Variants in SLC18A3 observed in about 807,000 individuals in gnomAD.
The protein encoded by SLC18A3 is solute carrier family 18 member A3.
Under a neutral mutation model 24.2 loss-of-function variants are expected in SLC18A3, and 18 were observed. The observed-to-expected ratio is 0.74, with a 90% confidence interval of 0.51 to 1.10. The LOEUF is 1.10. SLC18A3 is among the 50% of genes least tolerant of loss of function. The pLI is 0.00. For synonymous variants in SLC18A3, 415 were observed against 355.4 expected (o/e 1.17, Z -1.89); for missense variants, 744 against 750.7 (o/e 0.99, Z 0.10).
chr10:49,611,202 G>T lies in SLC18A3; in HGVS notation c.462G>T (p.Pro154=). ...TCGACCGCATGAGCTACGACGTGCCGCTGCTGATCGGCCTGGGCGTCATGT... is the reference window on the plus strand; with the variant it reads ...TCGACCGCATGAGCTACGACGTGCCTCTGCTGATCGGCCTGGGCGTCATGT... ...PFIDRMSYDV[P]LLIGLGVMFA... is the part of the protein sequence containing the mutation. The change falls in exon 1 of 1, where the codon CCG becomes CCT. Residue 154 remains proline, a synonymous_variant. Coordinates refer to ENST00000374115, the MANE Select transcript of SLC18A3 (RefSeq NM_003055.3). The T allele has an allele frequency of 6.2e-7, 1 of 1,614,078 alleles. No individual in the cohort carries two copies.
Position 49,612,048 on chromosome 10 carries a change from C to T in SLC18A3, c.1308C>T (p.Pro436=), listed in dbSNP as rs1838313296. 4.3e-6 allele frequency: 7 copies of T among 1,613,668 alleles called. No homozygotes were observed. Among genetic ancestry groups the T allele is most frequent in the Admixed American group, 3.3e-5 (2 of 60,012 alleles). Residue 436 remains proline (P), a synonymous_variant, in exon 1 of 1, where the codon CCC becomes CCT. Transcript: ENST00000374115. ...ATTCGGTGGCCTACGCGCTCGGGCC[C>T]ATAGTGGCAGGCCACATTGTGCACT... The part of the protein sequence containing the change: ...ISYSVAYALG[P]IVAGHIVHSL...
Position 49,611,032 on chromosome 10 carries a change from T to C in SLC18A3, c.292T>C (p.Ser98Pro), listed in dbSNP as rs1838280309. The stretch of plus-strand genomic sequence containing the variant: ...TGCCAGCGCCTACACGGCCAACACC[T>C]CGGCGTCCCCGACAGCTGCGTGGCC... ...ANASAYTANTSASPTAAWPAG... is the reference protein window; with the variant it reads ...ANASAYTANTPASPTAAWPAG... The change falls in exon 1 of 1, where the codon TCG (serine) becomes CCG (proline). Residue 98 changes from serine to proline, a missense_variant. This residue lies in a region of SLC18A3 where 566 missense variants were observed against 566.2 expected (regional missense o/e 1.00). Coordinates refer to ENST00000374115, the MANE Select transcript of SLC18A3 (RefSeq NM_003055.3). 1 of 1,613,822 alleles carries C rather than the reference T, an allele frequency of 6.2e-7. No individual in the cohort carries two copies. The highest frequency in any genetic ancestry group is 2.2e-5 in the East Asian group (1 of 44,872).
rs1325163601 is a variant in SLC18A3 at position 49,611,502 on chromosome 10, T to C, written c.762T>C (p.Phe254=). 6.2e-7 allele frequency: 1 copy of C among 1,600,784 alleles called. No homozygotes were observed. Among genetic ancestry groups the C allele is most frequent in the Non-Finnish European group, 8.5e-7 (1 of 1,179,886 alleles). ...TGGTGCTAGCTGCCGTGTCGCTCTT[T>C]GACGCGCTGTTGCTGCTGGCAGTGG... ...PFLVLAAVSL[F]DALLLLAVAK... The change falls in exon 1 of 1, where the codon TTT becomes TTC. Residue 254 remains phenylalanine (F), a synonymous_variant. Coordinates refer to ENST00000374115, the MANE Select transcript of SLC18A3 (RefSeq NM_003055.3).
rs1016793644 is a variant in SLC18A3, at chr10:49,610,891, A to G, written c.151A>G (p.Met51Val). ...VALLLDNMLYMVIVPIVPDYI... is the reference protein window; with the variant it reads ...VALLLDNMLYVVIVPIVPDYI... ...GCTGTTACTGGACAACATGCTGTACATGGTCATCGTGCCCATAGTGCCCGA... is the reference window on the plus strand; with the variant it reads ...GCTGTTACTGGACAACATGCTGTACGTGGTCATCGTGCCCATAGTGCCCGA... Residue 51 changes from methionine to valine, a missense_variant, in exon 1 of 1, where the codon ATG (methionine) becomes GTG (valine). Transcript: ENST00000374115. The G allele has an allele frequency of 3.7e-6, 6 of 1,613,024 alleles. No individual in the cohort carries two copies. Among genetic ancestry groups the G allele is most frequent in the East Asian group, 4.5e-5 (2 of 44,824 alleles).
At position 49,610,702 on chromosome 10, in the gene SLC18A3, C is replaced by A; in HGVS notation, c.-39C>A. On this transcript the variant is annotated 5_prime_UTR_variant, in exon 1 of 1. In the 5' UTR this introduces an upstream ATG that the reference lacks. Transcript: ENST00000374115. Reference sequence around the variant, plus strand: ...CACTGCGGGACGCCAGCGCTCGGCCCTGGCGGAGGCGTCCTCGGAAGAGCA... The same window carrying A: ...CACTGCGGGACGCCAGCGCTCGGCCATGGCGGAGGCGTCCTCGGAAGAGCA... 1 of 1,458,836 alleles carries A rather than the reference C, an allele frequency of 6.9e-7. No individual in the cohort carries two copies. The highest frequency in any genetic ancestry group is 9.0e-7 in the Non-Finnish European group (1 of 1,111,298). 90.4% of individuals were successfully genotyped at this position (1,458,836 alleles called of 1,614,324 possible). A position where few individuals can be genotyped will look rare whatever the true frequency, so the allele number is the denominator to read the frequency against.
chr10:49,611,983 TCA>T lies in SLC18A3; in HGVS notation c.1244_1245del (p.Ser415CysfsTer34). ...CTTCCTGGTGGACGTGCGCCATGTC[TCA>T]GTCTATGGCAGCGTCTACGCCATCG... Reference protein sequence around the residue: ...LAFLVDVRHVSVYGSVYAIAD... With the variant: ...LAFLVDVRHVXVYGSVYAIAD... On this transcript the variant is annotated frameshift_variant, in exon 1 of 1. Transcript: ENST00000374115. LOFTEE classifies it high-confidence loss of function. 6.2e-7 allele frequency: 1 copy of T among 1,613,642 alleles called. No individual in the cohort carries two copies. Among genetic ancestry groups the T allele is most frequent in the African/African-American group, 1.3e-5 (1 of 75,070 alleles).
rs374372621 is a variant in SLC18A3 at position 49,611,682 on chromosome 10, G to A, written c.942G>A (p.Thr314=). ...PLAFLEPTIA[T]WMKHTMAASE... is the part of the protein sequence containing the mutation. ...CCTTCCTCGAACCCACCATTGCCAC[G>A]TGGATGAAGCATACGATGGCGGCTT... Residue 314 remains threonine (T), a synonymous_variant, in exon 1 of 1, where the codon ACG becomes ACA. Coordinates refer to ENST00000374115, the MANE Select transcript of SLC18A3 (RefSeq NM_003055.3). 3.1e-6 allele frequency: 5 copies of A among 1,610,642 alleles called. No homozygotes were observed. Among genetic ancestry groups the A allele is most frequent in the African/African-American group, 1.3e-5 (1 of 74,936 alleles).
At position 49,611,780 on chromosome 10, in the gene SLC18A3, G is replaced by C. The variant is rs913755733; in HGVS notation, c.1040G>C (p.Arg347Pro). Residue 347 changes from arginine (R) to proline (P), a missense_variant, in exon 1 of 1, where the codon CGC becomes CCC. This residue lies in a region of SLC18A3 where 566 missense variants were observed against 566.2 expected (regional missense o/e 1.00). Coordinates refer to ENST00000374115, the MANE Select transcript of SLC18A3 (RefSeq NM_003055.3). ...GTGCTGGGCGTCTACCTCACCGTGC[G>C]CCTGGCGGCGCGCTACCCACACCTG... ...PHVLGVYLTVRLAARYPHLQW... is the reference protein window; with the variant it reads ...PHVLGVYLTVPLAARYPHLQW... The C allele has an allele frequency of 6.2e-7, 1 of 1,602,912 alleles. No homozygotes were observed. The highest frequency in any genetic ancestry group is 8.5e-7 in the Non-Finnish European group (1 of 1,179,844).
chr10:49,611,618 T>C lies in SLC18A3; in HGVS notation c.878T>C (p.Val293Ala). 1 of 1,611,498 alleles carries C rather than the reference T, an allele frequency of 6.2e-7. No individual in the cohort carries two copies. The highest frequency in any genetic ancestry group is 8.5e-7 in the Non-Finnish European group (1 of 1,179,978). Residue 293 changes from valine to alanine, a missense_variant, in exon 1 of 1, where the codon GTG (valine) becomes GCG (alanine). Around this residue, in one of 3 missense-constraint regions of SLC18A3, gnomAD observed 566 missense variants for 566.2 expected, o/e 1.00. Transcript: ENST00000374115. Reference sequence around the variant, plus strand: ...CTCATGCTAGACCCCTACATTGCCGTGGTGGCCGGCGCGCTCACCACCTGT... The same window carrying C: ...CTCATGCTAGACCCCTACATTGCCGCGGTGGCCGGCGCGCTCACCACCTGT... ...HRLMLDPYIAVVAGALTTCNI... is the reference protein window; with the variant it reads ...HRLMLDPYIAAVAGALTTCNI...
At position 49,610,414 on chromosome 10, in the gene SLC18A3, C is replaced by A; in HGVS notation, c.-327C>A. On this transcript the variant is annotated 5_prime_UTR_variant, in exon 1 of 1. Coordinates refer to ENST00000374115, the MANE Select transcript of SLC18A3 (RefSeq NM_003055.3). ...TCGGCCAGCGCGGGCGGCCTCTTAG[C>A]GCGGCGGGGGCTGCTCTGGGCGCGC... 2 of 295,624 alleles carry A rather than the reference C, an allele frequency of 6.8e-6. No individual in the cohort carries two copies. The highest frequency in any genetic ancestry group is 1.3e-5 in the Non-Finnish European group (2 of 159,912). The allele number at this position is 295,624 out of a possible 1,614,324, so 18.3% of individuals were successfully genotyped here.
rs756271514 is a variant in SLC18A3, at chr10:49,611,619, G to C, written c.879G>C (p.Val293=). The part of the protein sequence containing the change: ...HRLMLDPYIA[V]VAGALTTCNI... ...TCATGCTAGACCCCTACATTGCCGT[G>C]GTGGCCGGCGCGCTCACCACCTGTA... is the stretch of plus-strand genomic sequence containing the variant. The change falls in exon 1 of 1, where the codon GTG becomes GTC. Residue 293 remains valine (V), a synonymous_variant. Transcript: ENST00000374115. 1.2e-6 allele frequency: 2 copies of C among 1,611,506 alleles called. No individual in the cohort carries two copies. Among genetic ancestry groups the C allele is most frequent in the East Asian group, 4.5e-5 (2 of 44,860 alleles).
At position 49,611,584 on chromosome 10, in the gene SLC18A3, A is replaced by T; in HGVS notation, c.844A>T (p.Ile282Phe). 6.2e-7 allele frequency: 1 copy of T among 1,609,050 alleles called. No homozygotes were observed. The highest frequency in any genetic ancestry group is 8.5e-7 in the Non-Finnish European group (1 of 1,179,936). Residue 282 changes from isoleucine (I) to phenylalanine (F), a missense_variant, in exon 1 of 1, where the codon ATC becomes TTC. Ile to Phe is a conservative substitution (Grantham distance 21). Coordinates refer to ENST00000374115, the MANE Select transcript of SLC18A3 (RefSeq NM_003055.3). ...ARANLPVGTP[I>F]HRLMLDPYIA... Reference sequence around the variant, plus strand: ...GGCCAACCTGCCAGTGGGCACTCCCATCCACCGCCTCATGCTAGACCCCTA... The same window carrying T: ...GGCCAACCTGCCAGTGGGCACTCCCTTCCACCGCCTCATGCTAGACCCCTA...
chr10:49,612,226 G>T lies in SLC18A3; in HGVS notation c.1486G>T (p.Ala496Ser). The T allele has an allele frequency of 6.2e-7, 1 of 1,609,380 alleles. No individual in the cohort carries two copies. Among genetic ancestry groups the T allele is most frequent in the African/African-American group, 1.3e-5 (1 of 75,064 alleles). Residue 496 changes from alanine to serine, a missense_variant, in exon 1 of 1, where the codon GCG becomes TCG. Physicochemically the swap from Ala to Ser is moderately conservative, Grantham distance 99. Transcript: ENST00000374115. ...TGAGCCACCGCAAGGTCTGTACGAT[G>T]CGGTGCGCCTGCGTGAGCGTCCTGT... The part of the protein sequence containing the change: ...LDEPPQGLYD[A>S]VRLRERPVSG...
In SLC18A3 at chr10:49,612,541, G is replaced by C; in HGVS notation, c.*202G>C. The C allele has an allele frequency of 1.7e-6, 1 of 573,606 alleles. No homozygotes were observed. Among genetic ancestry groups the C allele is most frequent in the Non-Finnish European group, 3.0e-6 (1 of 329,046 alleles). The allele number at this position is 573,606 out of a possible 1,614,324, so 35.5% of individuals were successfully genotyped here. A position where few individuals can be genotyped will look rare whatever the true frequency, so the allele number is the denominator to read the frequency against. On this transcript the variant is annotated 3_prime_UTR_variant, in exon 1 of 1. Transcript: ENST00000374115. ...CTTGTCCAATGGGGCTTGGAGCACC[G>C]AGGCCAGCGAAGCCATCGCGCTCCT...
In SLC18A3 at chr10:49,611,521, G is replaced by T; in HGVS notation, c.781G>T (p.Ala261Ser). 6.2e-7 allele frequency: 1 copy of T among 1,601,946 alleles called. No individual in the cohort carries two copies. Among genetic ancestry groups the T allele is most frequent in the Non-Finnish European group, 8.5e-7 (1 of 1,179,926 alleles). ...GCTCTTTGACGCGCTGTTGCTGCTG[G>T]CAGTGGCCAAACCCTTCTCGGCGGC... is the stretch of plus-strand genomic sequence containing the variant. ...VSLFDALLLL[A>S]VAKPFSAAAR... Residue 261 changes from alanine to serine, a missense_variant, in exon 1 of 1, where the codon GCA (alanine) becomes TCA (serine). Ala to Ser is a moderately conservative substitution (Grantham distance 99). Transcript: ENST00000374115.
At position 49,612,188 on chromosome 10, in the gene SLC18A3, A is replaced by C; in HGVS notation, c.1448A>C (p.Asp483Ala). The stretch of plus-strand genomic sequence containing the variant: ...CTGACGCGCTCCCGTTCCGAGCGCG[A>C]TGTGCTGCTTGATGAGCCACCGCAA... ...GLLTRSRSER[D>A]VLLDEPPQGL... The change falls in exon 1 of 1, where the codon GAT becomes GCT. Residue 483 changes from aspartate to alanine, a missense_variant. Asp to Ala is a moderately radical substitution (Grantham distance 126). This residue lies in a region of SLC18A3 where 160 missense variants were observed against 140.9 expected (regional missense o/e 1.14). Transcript: ENST00000374115. The C allele has an allele frequency of 6.2e-7, 1 of 1,609,652 alleles. No homozygotes were observed. Among genetic ancestry groups the C allele is most frequent in the Non-Finnish European group, 8.5e-7 (1 of 1,179,970 alleles).
In SLC18A3 at chr10:49,611,780, G is replaced by A; in HGVS notation, c.1040G>A (p.Arg347His). The A allele has an allele frequency of 1.2e-6, 2 of 1,602,912 alleles. No homozygotes were observed. The highest frequency in any genetic ancestry group is 1.1e-5 in the South Asian group (1 of 91,058). Residue 347 changes from arginine (R) to histidine (H), a missense_variant, in exon 1 of 1, where the codon CGC (arginine) becomes CAC (histidine). This residue lies in a region of SLC18A3 where 566 missense variants were observed against 566.2 expected (regional missense o/e 1.00). Transcript: ENST00000374115. ...PHVLGVYLTV[R>H]LAARYPHLQW... is the part of the protein sequence containing the mutation. ...GTGCTGGGCGTCTACCTCACCGTGC[G>A]CCTGGCGGCGCGCTACCCACACCTG...
At position 49,610,454 on chromosome 10, in the gene SLC18A3, G is replaced by A; in HGVS notation, c.-287G>A. The stretch of plus-strand genomic sequence containing the variant: ...TCTGGGCGCGCCCCGGGCGAAGTGC[G>A]CCCAGTCTCCGGCCCCGGCCCCTCG... On this transcript the variant is annotated 5_prime_UTR_variant, in exon 1 of 1. Transcript: ENST00000374115. The A allele has an allele frequency of 2.7e-6, 1 of 364,786 alleles. No individual in the cohort carries two copies. Among genetic ancestry groups the A allele is most frequent in the Non-Finnish European group, 4.9e-6 (1 of 204,966 alleles). The allele number at this position is 364,786 out of a possible 1,614,324, so 22.6% of individuals were successfully genotyped here.
chr10:49,612,039 G>A lies in SLC18A3; in HGVS notation c.1299G>A (p.Ala433=), dbSNP rs769077516. Residue 433 remains alanine (A), a synonymous_variant, in exon 1 of 1, where the codon GCG becomes GCA. Coordinates refer to ENST00000374115, the MANE Select transcript of SLC18A3 (RefSeq NM_003055.3). ...ACATCTCCTATTCGGTGGCCTACGC[G>A]CTCGGGCCCATAGTGGCAGGCCACA... is the stretch of plus-strand genomic sequence containing the variant. The part of the protein sequence containing the change: ...IADISYSVAY[A]LGPIVAGHIV... The A allele has an allele frequency of 3.1e-6, 5 of 1,613,580 alleles. No homozygotes were observed. Among genetic ancestry groups the A allele is most frequent in the Middle Eastern group, 1.6e-4 (1 of 6,084 alleles).
Sources: gnomAD v4.1 joint callset for allele counts on GRCh38, gnomAD v4.1.1 for gene constraint, gnomAD v4.1.1 regional missense constraint, MANE v1.5 for transcripts, NCBI Gene and HGNC (gene_info 2026-07-23, HGNC 2026-07-21) for gene names.